The following LRRC49 variants were observed in gnomAD, a reference collection of about 807,000 sequenced individuals.
LRRC49 encodes leucine-rich repeat-containing protein 49.
A neutral mutation model predicts 83.3 loss-of-function variants in LRRC49; 50 were observed. The observed-to-expected ratio is 0.60, with a 90% CI of 0.48 to 0.76. LRRC49 has a LOEUF of 0.76. LRRC49 is among the 30% of genes least tolerant of loss of function. The pLI is 0.00. For missense variants in LRRC49, 704 were observed against 809.1 expected (o/e 0.87, Z 1.58); for synonymous variants, 286 against 283.3 (o/e 1.01, Z -0.10).
intron 6 of LRRC49, among the ~76,000 whole-genome samples, chr15:70,915,157 T>TGACTTTATTCCATAAAGTATG (rs2034714526): frequency 6.6e-6 from 1 of 152,192 alleles, no homozygotes; most frequent in Non-Finnish European, 1.5e-5. Flanking sequence ...AACGAGTAAT[T>TGACTTTATTCCATAAAGTATG]GACTTTATTC....
chr15:70,941,587 T>C (rs970940411), intron 8 of LRRC49, among the ~76,000 whole-genome samples: 1 of 151,958 alleles, frequency 6.6e-6, no homozygotes, highest in African/African-American at 2.4e-5. Flanking sequence ...ATTTGTTGTA[T>C]TCCTTTTGCA....
chr15:71,047,259 C>T (rs1349059914), intron 15 of LRRC49, among the ~76,000 whole-genome samples: 1 of 152,082 alleles, frequency 6.6e-6, no homozygotes. Flanking sequence ...TAGCATTGAA[C>T]TGTAAATTAC....
chr15:70,871,146 G>A (rs1359302952), intron 1 of LRRC49, among the ~76,000 whole-genome samples: 1 of 151,384 alleles, frequency 6.6e-6, no homozygotes, highest in Admixed American at 6.6e-5. Context: ...TTAGGGAGTG[G>A]TGATGACTCT....
At chr15:70,891,769 CCAAGGTG>C (rs1387397511), upstream of LRRC49, 7 of 1,357,590 alleles carry the variant, frequency 5.2e-6, no homozygotes, top group African/African-American at 7.3e-5. Context: ...GGTGCCTTTC[CCAAGGTG>C]ACACTAAGTG....
intron 11 of LRRC49, among the ~76,000 whole-genome samples, chr15:70,989,475 C>T (rs1202034937): frequency 1.3e-5 from 2 of 152,188 alleles, no homozygotes; most frequent in Non-Finnish European, 2.9e-5. Context: ...CCTTGGCTTT[C>T]AGCTCCATCA....
intron 2 of LRRC49, among the ~76,000 whole-genome samples, chr15:70,879,692 C>T (rs1014452356): frequency 1.3e-5 from 2 of 152,164 alleles, no homozygotes; most frequent in African/African-American, 4.8e-5. Context: ...CTTGCCCCAT[C>T]ACTTTTCACT....
rs1468197268 is a variant in LRRC49, at chr15:70,963,937, G to A, written c.921+5G>A. 1.9e-5 allele frequency: 31 copies of A among 1,612,276 alleles called. No homozygotes were observed. The highest frequency in any genetic ancestry group is 2.5e-5 in the Non-Finnish European group (29 of 1,179,072). ...CTAGATATGAAGAGAATCACGGTGAGAACCCTTCCAAAGTGTTCACCATGT... is the reference window on the plus strand; with the variant it reads ...CTAGATATGAAGAGAATCACGGTGAAAACCCTTCCAAAGTGTTCACCATGT... On this transcript the variant is annotated splice_donor_5th_base_variant and intron_variant, in intron 9 of 15. Transcript: ENST00000260382.
intron 1 of LRRC49, among the ~76,000 whole-genome samples, chr15:70,866,916 C>G (rs934915784): frequency 6.6e-5 from 10 of 151,806 alleles, no homozygotes; most frequent in African/African-American, 2.2e-4. Context: ...AATTATGAAC[C>G]TGGCCTGAAC....
intron 6 of LRRC49, 30 bp downstream of exon 6, chr15:70,911,628 T>G: frequency 7.2e-7 from 1 of 1,398,114 alleles, no homozygotes; most frequent in South Asian, 1.3e-5. Context: ...TTTCTTTCTT[T>G]TTTGAAAAAA....
In LRRC49 at chr15:70,953,814, A is replaced by T. The variant is rs185079261; in HGVS notation, c.774-9971A>T. 1.5e-4 allele frequency among the ~76,000 whole-genome samples: 23 copies of T among 151,978 alleles called. No individual in the cohort carries two copies. The East Asian group carries it at 3.7e-3, about 24-fold the overall frequency. ...TTCTCAGCTATTCTGTTATTTTTTTAAATTATTTTTTCTTTATTTTTGTCT... is the reference window on the plus strand; with the variant it reads ...TTCTCAGCTATTCTGTTATTTTTTTTAATTATTTTTTCTTTATTTTTGTCT... On this transcript the variant is annotated intron_variant, in intron 8 of 15. Transcript: ENST00000260382.
In LRRC49 at chr15:70,912,763, G is replaced by A. The variant is rs544080332; in HGVS notation, c.567+1165G>A. Among the ~76,000 whole-genome samples the A allele has an allele frequency of 5.4e-4, 82 of 152,098 alleles. 1 individual carries two copies. In the South Asian group the frequency reaches 0.012, roughly 23 times the overall value. ...GCAATCTTGGCTCACTGCAAGCTCC[G>A]CCTCCCGGGTTCACGCCATTCTCCT... On this transcript the variant is annotated intron_variant, in intron 6 of 15. Transcript: ENST00000260382.
intron 14 of LRRC49, among the ~76,000 whole-genome samples, chr15:71,021,576 TA>T (rs1470829347): frequency 1.3e-5 from 2 of 152,206 alleles, no homozygotes; most frequent in Non-Finnish European, 2.9e-5. Context: ...AGGAAGCATA[TA>T]TTTTTTTCTT....
At chr15:70,927,611 C>G (rs572495584) in intron 7 of LRRC49, among the ~76,000 whole-genome samples, 1 of 152,022 alleles carries the variant, frequency 6.6e-6, no homozygotes, top group Non-Finnish European at 1.5e-5. Context: ...ATAGTTTTAC[C>G]TTTCTATTTA....
intron 13 of LRRC49, 33 bp from the exon 14 acceptor site, chr15:71,012,771 A>AT (rs776886370): frequency 1.6e-6 from 2 of 1,284,620 alleles, no homozygotes; most frequent in African/African-American, 1.5e-5. Context: ...AGTTGGTGTC[A>AT]TTTTTTTACC....
At chr15:70,854,035 G>A in intron 1 of LRRC49, 3 of 1,447,098 alleles carry the variant, frequency 2.1e-6, no homozygotes, top group East Asian at 6.2e-5. Flanking sequence ...TGGCGACGCG[G>A]ATCTGCACCG....
chr15:71,028,873 T>C (rs1258435749), intron 14 of LRRC49, among the ~76,000 whole-genome samples: 1 of 152,192 alleles, frequency 6.6e-6, no homozygotes, highest in African/African-American at 2.4e-5. Context: ...CCGTCTACTT[T>C]GTTAATCTTT....
At chr15:70,930,653 A>G (rs980593611) in intron 7 of LRRC49, among the ~76,000 whole-genome samples, 2 of 152,194 alleles carry the variant, frequency 1.3e-5, no homozygotes, top group Non-Finnish European at 2.9e-5. Context: ...CTGTTTCTCT[A>G]TATTGAAAAT....
intron 6 of LRRC49, among the ~76,000 whole-genome samples, chr15:70,914,888 G>A (rs994182169): frequency 3.3e-5 from 5 of 152,190 alleles, no homozygotes; most frequent in African/African-American, 1.2e-4. Context: ...TATCCAGGCA[G>A]AGCAATCTAG....
At chr15:70,893,415 T>A in intron 1 of LRRC49, 169 bp from the exon 2 acceptor site, 1 of 626,034 alleles carries the variant, frequency 1.6e-6, no homozygotes, top group Non-Finnish European at 2.8e-6. Context: ...TTCTTAGATG[T>A]GATTTTATTG....
Sources: gnomAD v4.1 joint callset for allele counts (sites outside exome capture counted in the v4.1 genomes callset) on GRCh38, gnomAD v4.1.1 for gene constraint, MANE v1.5 for transcripts, NCBI Gene and HGNC (gene_info 2026-07-23, HGNC 2026-07-21) for gene names.